TRAM1: variants seen among roughly 807,000 people sequenced by gnomAD.
TRAM1 encodes translocation associated membrane protein 1, also known as translocating chain-associated membrane protein 1.
TRAM1 carries 17 observed loss-of-function variants against 48.7 expected under a neutral mutation model. That is an observed-to-expected ratio of 0.35 (90% CI 0.24 to 0.52). The LOEUF (loss-of-function observed/expected upper bound fraction) is 0.52. Ranked by LOEUF, TRAM1 falls within the 20% of genes least tolerant of loss-of-function variation. The probability of loss-of-function intolerance (pLI) is 0.94; values close to 1 mark genes in which losing one functional copy is unlikely to be tolerated. For synonymous variants in TRAM1, 182 were observed against 154.0 expected (o/e 1.18, Z -1.34); for missense variants, 351 against 441.5 (o/e 0.79, Z 1.84).
At position 70,594,587 on chromosome 8, in the gene TRAM1, A is replaced by G. The variant is rs1272642955; in HGVS notation, c.489T>C (p.Phe163=). ...GTGATATGTAGAAAAACTTCATTTG[A>G]AATCTGTACAACACAAGAAAATGAA... ...WRAYPHNLMT[F]QMKFFYISQL... Residue 163 remains phenylalanine, a synonymous_variant, in exon 6 of 11, where the codon TTT becomes TTC. Transcript: ENST00000262213. 6.3e-7 allele frequency: 1 copy of G among 1,596,032 alleles called. No homozygotes were observed. Among genetic ancestry groups the G allele is most frequent in the South Asian group, 1.1e-5 (1 of 87,158 alleles).
intron 6 of TRAM1, among the ~76,000 whole-genome samples, chr8:70,591,018 A>C (rs1021237321): frequency 6.6e-6 from 1 of 152,160 alleles, no homozygotes; most frequent in African/African-American, 2.4e-5. Flanking sequence ...AAAAAAAAAA[A>C]AGAGATGAGT....
Position 70,574,341 on chromosome 8 carries a change from T to C in TRAM1, c.*591A>G, listed in dbSNP as rs951133286. On this transcript the variant is annotated 3_prime_UTR_variant, in exon 11 of 11. Coordinates refer to ENST00000262213, the MANE Select transcript of TRAM1 (RefSeq NM_014294.6). ...ACTCCACGTGTTGTAACGATTATTA[T>C]GTTTTTGTTTTTAAAATGGGGATGT... 3.4e-6 allele frequency: 1 copy of C among 295,070 alleles called. No individual in the cohort carries two copies. The highest frequency in any genetic ancestry group is 2.3e-5 in the African/African-American group (1 of 43,108). The allele number at this position is 295,070 out of a possible 1,614,324, so 18.3% of individuals were successfully genotyped here.
At chr8:70,600,789 C>A (rs1306117237) in intron 1 of TRAM1, among the ~76,000 whole-genome samples, 1 of 151,344 alleles carries the variant, frequency 6.6e-6, no homozygotes, top group African/African-American at 2.5e-5. Flanking sequence ...AAACAATGAG[C>A]TTTGTTGGTT....
At chr8:70,599,566 A>T (rs1312638865) in intron 2 of TRAM1, among the ~76,000 whole-genome samples, 1 of 152,252 alleles carries the variant, frequency 6.6e-6, no homozygotes, top group Non-Finnish European at 1.5e-5. Flanking sequence ...GAATCAAAAT[A>T]ATTGTTAAAA....
Position 70,583,221 on chromosome 8 carries a change from G to A in TRAM1, c.994C>T (p.Pro332Ser). The change falls in exon 10 of 11, where the codon CCA becomes TCA. Residue 332 changes from proline to serine, a missense_variant. Physicochemically the swap from Pro to Ser is moderately conservative, Grantham distance 74. Coordinates refer to ENST00000262213, the MANE Select transcript of TRAM1 (RefSeq NM_014294.6). ...ACTGTTGGTTTCTTCTTCACAGCTG[G>A]TGCCTGAAAAGCAGAATGTTCCCTC... ...RWREHSAFQA[P>S]AVKKKPTVTK... The A allele has an allele frequency of 6.2e-7, 1 of 1,613,832 alleles. No individual in the cohort carries two copies. Among genetic ancestry groups the A allele is most frequent in the South Asian group, 1.1e-5 (1 of 91,062 alleles).
intron 1 of TRAM1, chr8:70,607,030 T>C (rs1817734795): frequency 2.2e-6 from 2 of 889,518 alleles, no homozygotes; most frequent in Non-Finnish European, 2.7e-6. Context: ...TCTCACTTGT[T>C]ACATGCAGGA....
intron 6 of TRAM1, among the ~76,000 whole-genome samples, chr8:70,592,770 A>C (rs1357495452): frequency 1.3e-5 from 2 of 152,224 alleles, no homozygotes; most frequent in African/African-American, 4.8e-5. Flanking sequence ...AGAAACTATG[A>C]TACTCTCAGT....
In TRAM1 at chr8:70,608,309, A is replaced by T; in HGVS notation, c.-110T>A. On this transcript the variant is annotated 5_prime_UTR_variant, in exon 1 of 11. Transcript: ENST00000262213. ...TGGCTGCTCCTCACGGCCCCGCTGC[A>T]GCCGCTCGCTGGGGCTTCACTTCCC... The T allele has an allele frequency of 7.2e-7, 1 of 1,396,514 alleles. No individual in the cohort carries two copies. The highest frequency in any genetic ancestry group is 1.5e-5 in the South Asian group (1 of 68,532). The allele number at this position is 1,396,514 out of a possible 1,614,324, so 86.5% of individuals were successfully genotyped here.
intron 8 of TRAM1, among the ~76,000 whole-genome samples, chr8:70,584,192 G>A (rs1351696384): frequency 6.6e-6 from 1 of 152,080 alleles, no homozygotes; most frequent in African/African-American, 2.4e-5. Flanking sequence ...AACAATCCAG[G>A]AAATAAATGT....
At chr8:70,594,433 A>C in intron 6 of TRAM1, 73 bp downstream of exon 6, 1 of 1,241,108 alleles carries the variant, frequency 8.1e-7, no homozygotes, top group Admixed American at 2.5e-5. Context: ...GTAAGAAAAT[A>C]CTTAATTTTA....
chr8:70,589,067 T>C (rs1275667474), intron 6 of TRAM1, among the ~76,000 whole-genome samples: 2 of 152,186 alleles, frequency 1.3e-5, no homozygotes, highest in Admixed American at 6.5e-5. Flanking sequence ...GAGTAGAGAT[T>C]TTTTGAAGTC....
intron 1 of TRAM1, among the ~76,000 whole-genome samples, chr8:70,605,167 C>T (rs994879059): frequency 6.6e-6 from 1 of 152,090 alleles, no homozygotes; most frequent in African/African-American, 2.4e-5. Flanking sequence ...TTTCTATTTC[C>T]CAATTTTGGT....
At chr8:70,577,261 G>T (rs1816976811) in intron 10 of TRAM1, among the ~76,000 whole-genome samples, 1 of 152,202 alleles carries the variant, frequency 6.6e-6, no homozygotes, top group South Asian at 2.1e-4. Context: ...CGGATGGCAG[G>T]TTGATGGCAG....
At chr8:70,586,769 T>G (rs868845411) in intron 8 of TRAM1, 126 bp downstream of exon 8, 1 of 748,394 alleles carries the variant, frequency 1.3e-6, no homozygotes, top group Middle Eastern at 3.2e-4. Context: ...ATAATTTCGT[T>G]TTATTTAAAG....
chr8:70,594,067 C>T (rs1817426904), intron 6 of TRAM1, among the ~76,000 whole-genome samples: 1 of 151,948 alleles, frequency 6.6e-6, no homozygotes, highest in South Asian at 2.1e-4. Flanking sequence ...ATATATTTTA[C>T]TTTTTTTTCC....
chr8:70,600,022 T>C lies in TRAM1; in HGVS notation c.184A>G (p.Thr62Ala), dbSNP rs1404957449. The change falls in exon 2 of 11, where the codon ACA (threonine) becomes GCA (alanine). Residue 62 changes from threonine (T) to alanine (A), a missense_variant. Transcript: ENST00000262213. ...TLQYNVTLPA[T>A]EEQATESVSL... ...ATTCTTAGCGTAAATTACCTACCTGTTGCTGGGAGGGTGACATTGTACTGA... is the reference window on the plus strand; with the variant it reads ...ATTCTTAGCGTAAATTACCTACCTGCTGCTGGGAGGGTGACATTGTACTGA... The C allele has an allele frequency of 3.1e-6, 5 of 1,613,200 alleles. No homozygotes were observed. The highest frequency in any genetic ancestry group is 3.3e-5 in the Admixed American group (2 of 59,926).
intron 6 of TRAM1, 67 bp downstream of exon 6, chr8:70,594,437 AAT>A (rs1351672741): frequency 7.5e-7 from 1 of 1,329,980 alleles, no homozygotes; most frequent in African/African-American, 1.5e-5. Flanking sequence ...GAAAATACTT[AAT>A]TTTAGAAAAA....
chr8:70,583,664 A>G lies in TRAM1; in HGVS notation c.876T>C (p.Asn292=), dbSNP rs1033609360. The change falls in exon 9 of 11, where the codon AAT becomes AAC. Residue 292 remains asparagine, a synonymous_variant. Transcript: ENST00000262213. ...QKLDFSTGNF[N]VLAVRIAVLA... is the part of the protein sequence containing the mutation. ...ATTGATCGTACCTAACAGCTAACAC[A>G]TTGAAGTTTCCAGTACTGAAATCCA... 6.2e-7 allele frequency: 1 copy of G among 1,612,558 alleles called. No individual in the cohort carries two copies.
chr8:70,583,116 A>G (rs1268367768), intron 10 of TRAM1, 48 bp downstream of exon 10: 1 of 1,565,550 alleles, frequency 6.4e-7, no homozygotes, highest in Non-Finnish European at 8.6e-7. Context: ...CAAATTTTTT[A>G]AAAGTTTTCT....
Sources: gnomAD v4.1 joint callset for allele counts (sites outside exome capture counted in the v4.1 genomes callset) on GRCh38, gnomAD v4.1.1 for gene constraint, MANE v1.5 for transcripts, NCBI Gene and HGNC (gene_info 2026-07-23, HGNC 2026-07-21) for gene names.